RIMS2: variants seen among roughly 807,000 people sequenced by gnomAD.
RIMS2 encodes the protein regulating synaptic membrane exocytosis protein 2.
Under a neutral mutation model 174.4 loss-of-function variants are expected in RIMS2, and 59 were observed. The observed-to-expected ratio is 0.34, with a 90% CI of 0.27 to 0.42. RIMS2 has a LOEUF of 0.42. Among genes scored for constraint, RIMS2 ranks in the 10% least tolerant of loss-of-function variants. The pLI, the probability that RIMS2 is intolerant of heterozygous loss-of-function variation, is 1.00. For synonymous variants in RIMS2, 606 were observed against 572.5 expected, an observed-to-expected ratio of 1.06 and a Z score of -0.84; for missense variants, 1,620 against 1,666.3, an observed-to-expected ratio of 0.97 and a Z score of 0.48.
intron 1 of RIMS2, among the ~76,000 whole-genome samples, chr8:103,688,325 T>C (rs1221679056): frequency 6.6e-6 from 1 of 152,092 alleles, no homozygotes; most frequent in African/African-American, 2.4e-5. Context: ...TTTTATCAAA[T>C]GCTTTTTCTG....
At chr8:104,010,965 A>G (rs2095743364) in intron 17 of RIMS2, among the ~76,000 whole-genome samples, 1 of 152,164 alleles carries the variant, frequency 6.6e-6, no homozygotes, top group Admixed American at 6.6e-5. Flanking sequence ...CCTTGCAAGT[A>G]TTTATTATTT....
chr8:103,693,200 C>G (rs1465349200), intron 1 of RIMS2, among the ~76,000 whole-genome samples: 1 of 152,182 alleles, frequency 6.6e-6, no homozygotes, highest in Non-Finnish European at 1.5e-5. Flanking sequence ...AATTACTAAA[C>G]TCTCCCTTCC....
At chr8:104,157,546 A>G (rs183598051) in intron 19 of RIMS2, among the ~76,000 whole-genome samples, 385 of 152,138 alleles carry the variant, frequency 2.5e-3, no homozygotes, top group African/African-American at 8.8e-3. Flanking sequence ...TTAAGCAATA[A>G]CTCTTCATTC....
intron 1 of RIMS2, among the ~76,000 whole-genome samples, chr8:103,660,559 G>T (rs758200628): frequency 7.2e-5 from 11 of 152,014 alleles, no homozygotes; most frequent in Non-Finnish European, 1.5e-4. Context: ...TGTATACTAG[G>T]GCCCGGAATA....
chr8:103,516,403 C>T (rs1276480282), intron 1 of RIMS2, among the ~76,000 whole-genome samples: 1 of 152,050 alleles, frequency 6.6e-6, no homozygotes, highest in Non-Finnish European at 1.5e-5. Context: ...AGTCTGCAGT[C>T]CCTTTACTGA....
At chr8:104,078,469 C>G (rs547161434) in intron 19 of RIMS2, among the ~76,000 whole-genome samples, 1 of 152,244 alleles carries the variant, frequency 6.6e-6, no homozygotes, top group East Asian at 1.9e-4. Context: ...TTGTGTGTGT[C>G]TGTGTCCTAA....
intron 3 of RIMS2, among the ~76,000 whole-genome samples, chr8:103,830,300 G>A (rs914870036): frequency 6.6e-6 from 1 of 152,006 alleles, no homozygotes; most frequent in Non-Finnish European, 1.5e-5. Flanking sequence ...TAAAGCTTTG[G>A]AAGGTGGAAC....
intron 2 of RIMS2, among the ~76,000 whole-genome samples, chr8:103,720,344 G>A (rs760017934): frequency 8.5e-5 from 13 of 152,170 alleles, no homozygotes; most frequent in Admixed American, 2.0e-4. Flanking sequence ...ATGTAATTTA[G>A]CATATACTTA....
chr8:103,663,126 A>G (rs1261301098), intron 1 of RIMS2, among the ~76,000 whole-genome samples: 1 of 151,906 alleles, frequency 6.6e-6, no homozygotes, highest in Non-Finnish European at 1.5e-5. Flanking sequence ...CTGAGATTAC[A>G]CCACTGCACC....
At chr8:103,943,852 A>G (rs1595585512) in intron 14 of RIMS2, among the ~76,000 whole-genome samples, 1 of 152,186 alleles carries the variant, frequency 6.6e-6, no homozygotes, top group East Asian at 1.9e-4. Context: ...ATTGACATTA[A>G]CCAAATTTTA....
At chr8:103,707,100 C>G (rs1265429862) in intron 2 of RIMS2, among the ~76,000 whole-genome samples, 3 of 152,158 alleles carry the variant, frequency 2.0e-5, no homozygotes, top group Admixed American at 6.6e-5. Flanking sequence ...ATTGATGTTT[C>G]CAGCTCCAGG....
In RIMS2 at chr8:103,805,131, G is replaced by C. The variant is rs1258094361; in HGVS notation, c.698+38594G>C. 2.0e-5 allele frequency among the ~76,000 whole-genome samples: 3 copies of C among 151,988 alleles called. No homozygotes were observed. The East Asian group carries it at 5.8e-4, about 29-fold the overall frequency. On this transcript the variant is annotated intron_variant, in intron 3 of 23. Coordinates refer to ENST00000504942, the Ensembl canonical transcript of RIMS2. ...AGTGTGTGTATCTATTTTTATGTAT[G>C]TGTTTTTTTCTGTATGTGTAATACT...
chr8:103,608,696 C>T (rs561275308), intron 1 of RIMS2, among the ~76,000 whole-genome samples: 142 of 151,870 alleles, frequency 9.4e-4, no homozygotes, highest in African/African-American at 3.1e-3. Context: ...TCTCATGGTG[C>T]GCCGTTTTTT....
intron 3 of RIMS2, among the ~76,000 whole-genome samples, chr8:103,800,441 A>G (rs192450651): frequency 5.6e-4 from 85 of 152,306 alleles, no homozygotes; most frequent in Admixed American, 3.5e-3. Context: ...GTCTTTCACA[A>G]TCAAATGTGA....
intron 2 of RIMS2, among the ~76,000 whole-genome samples, chr8:103,723,542 T>C (rs1461521467): frequency 1.3e-5 from 2 of 152,164 alleles, no homozygotes; most frequent in African/African-American, 4.8e-5. Flanking sequence ...GTGTGGCCTG[T>C]AGTCTGCATT....
At chr8:104,205,037 A>G (rs1369873451) in intron 19 of RIMS2, among the ~76,000 whole-genome samples, 2 of 152,206 alleles carry the variant, frequency 1.3e-5, no homozygotes, top group African/African-American at 4.8e-5. Context: ...GACTTTGGGC[A>G]TCATCCTTGG....
In RIMS2 at chr8:103,552,449, C is replaced by G. The variant is rs150386844; in HGVS notation, c.176+51387C>G. Among the ~76,000 whole-genome samples, 966 of 152,202 alleles carry G rather than the reference C, an allele frequency of 6.3e-3. 13 individuals carry two copies. The highest frequency in any genetic ancestry group is 0.022 in the African/African-American group (915 of 41,522). On this transcript the variant is annotated intron_variant, in intron 1 of 23. Transcript: ENST00000504942. Reference sequence around the variant, plus strand: ...TTTATACCTTATACAAAAATTAATTCAAGATGGATTAAAGACTTAAATGTT... The same window carrying G: ...TTTATACCTTATACAAAAATTAATTGAAGATGGATTAAAGACTTAAATGTT...
intron 14 of RIMS2, among the ~76,000 whole-genome samples, chr8:103,952,026 G>C (rs570068747): frequency 2.8e-4 from 42 of 152,298 alleles, no homozygotes; most frequent in Middle Eastern, 3.4e-3. Flanking sequence ...GCTCAGCAAG[G>C]CCACTGTGGC....
chr8:103,783,267 CTTTT>C (rs58402080), intron 3 of RIMS2, among the ~76,000 whole-genome samples: 122 of 140,988 alleles, frequency 8.7e-4, no homozygotes, highest in Middle Eastern at 3.8e-3. Context: ...TTTTTCTTTT[CTTTT>C]TTTTTTTTTT....
Sources: allele counts gnomAD v4.1 joint callset (sites outside exome capture counted in the v4.1 genomes callset), GRCh38; gene constraint gnomAD v4.1.1; transcripts MANE v1.5; gene names NCBI Gene and HGNC (gene_info 2026-07-23, HGNC 2026-07-21).